The following PRICKLE2 variants were observed in gnomAD, a reference collection of about 807,000 sequenced individuals.
The protein encoded by PRICKLE2 is prickle planar cell polarity protein 2.
PRICKLE2 carries 21 observed loss-of-function variants against 81.4 expected under a neutral mutation model. The ratio of observed to expected loss-of-function variants is 0.26; its 90% CI spans 0.18 to 0.37. The LOEUF is 0.37. Ranked by LOEUF, PRICKLE2 falls within the 10% of genes least tolerant of loss-of-function variation. The pLI, the probability that PRICKLE2 is intolerant of heterozygous loss-of-function variation, is 1.00. For synonymous variants in PRICKLE2, 456 were observed against 421.5 expected, an observed-to-expected ratio of 1.08 and a Z score of -1.00; for missense variants, 940 against 1,109.0, an observed-to-expected ratio of 0.85 and a Z score of 2.16.
At chr3:64,199,205 T>C (rs1056765583) in intron 1 of PRICKLE2, 4 of 596,210 alleles carry the variant, frequency 6.7e-6, no homozygotes, top group African/African-American at 1.9e-5. Context: ...GCTAAGGGTG[T>C]TTACATGTGG....
chr3:64,166,108 G>C (rs979272953), intron 2 of PRICKLE2, among the ~76,000 whole-genome samples: 2 of 151,964 alleles, frequency 1.3e-5, no homozygotes, highest in African/African-American at 4.8e-5. Flanking sequence ...ATTGTACCAA[G>C]TTTCTGTTCT....
At chr3:64,239,711 C>T (rs1250784747) in intron 2 of PRICKLE2, among the ~76,000 whole-genome samples, 1 of 152,086 alleles carries the variant, frequency 6.6e-6, no homozygotes, top group Non-Finnish European at 1.5e-5. Flanking sequence ...GGTTGCTTAT[C>T]ACAGATAAGA....
chr3:64,181,767 T>A (rs556611304), intron 2 of PRICKLE2, among the ~76,000 whole-genome samples: 1 of 152,302 alleles, frequency 6.6e-6, no homozygotes, highest in Non-Finnish European at 1.5e-5. Context: ...AGTATTCATA[T>A]GATTTTGTTT....
At chr3:64,259,645 AGATTAT>A (rs2079587135) in intron 2 of PRICKLE2, among the ~76,000 whole-genome samples, 1 of 100,464 alleles carries the variant, frequency 1.0e-5, no homozygotes, top group Non-Finnish European at 2.2e-5. Flanking sequence ...AGAGATTATG[AGATTAT>A]GTAGATTATA....
chr3:64,219,777 C>T (rs1055331129), intron 1 of PRICKLE2, among the ~76,000 whole-genome samples: 2 of 152,118 alleles, frequency 1.3e-5, no homozygotes, highest in African/African-American at 4.8e-5. Flanking sequence ...ATAAAGAAGC[C>T]TAGAATGGTG....
intron 7 of PRICKLE2, among the ~76,000 whole-genome samples, chr3:64,111,304 C>T (rs1053735706): frequency 5.3e-5 from 8 of 152,214 alleles, no homozygotes; most frequent in Admixed American, 1.3e-4. Flanking sequence ...AGCACTTTTA[C>T]GCATGTTGTC....
At chr3:64,158,557 C>T (rs1197578274) in intron 4 of PRICKLE2, among the ~76,000 whole-genome samples, 7 of 152,204 alleles carry the variant, frequency 4.6e-5, no homozygotes, top group Non-Finnish European at 8.8e-5. Flanking sequence ...TGCCTTCACA[C>T]TCTTGGCACT....
At chr3:64,156,441 C>T (rs944322572) in intron 5 of PRICKLE2, among the ~76,000 whole-genome samples, 1 of 152,180 alleles carries the variant, frequency 6.6e-6, no homozygotes, top group African/African-American at 2.4e-5. Flanking sequence ...GACTTTTACC[C>T]AAATTATTCC....
At position 64,095,197 on chromosome 3, in the gene PRICKLE2, G is replaced by T. The variant is rs1259670633; in HGVS notation, c.*3854C>A. 2 of 152,168 alleles carry T rather than the reference G, an allele frequency of 1.3e-5. No homozygotes were observed. Among genetic ancestry groups the T allele is most frequent in the African/African-American group, 4.8e-5 (2 of 41,442 alleles). The allele number at this position is 152,168 out of a possible 1,614,324, so 9.4% of individuals were successfully genotyped here. On this transcript the variant is annotated 3_prime_UTR_variant, in exon 8 of 8. Coordinates refer to ENST00000638394, the MANE Select transcript of PRICKLE2 (RefSeq NM_198859.4). ...ACATGAAAATGGCCAAGGAGGTAAA[G>T]AGATTTTTTTGTCCTTTAGCCTAAG...
chr3:64,194,820 T>C (rs1036318451), intron 2 of PRICKLE2, among the ~76,000 whole-genome samples: 2 of 152,074 alleles, frequency 1.3e-5, no homozygotes, highest in Non-Finnish European at 2.9e-5. Flanking sequence ...TTTGGGAGCA[T>C]TGCTTGAGGT....
At chr3:64,165,593 T>C (rs921040533) in intron 2 of PRICKLE2, among the ~76,000 whole-genome samples, 4 of 152,198 alleles carry the variant, frequency 2.6e-5, no homozygotes, top group Admixed American at 1.3e-4. Context: ...TGGCTCACTG[T>C]AGCCTTGACC....
chr3:64,211,435 A>C (rs1168536751), intron 1 of PRICKLE2, among the ~76,000 whole-genome samples: 1 of 152,246 alleles, frequency 6.6e-6, no homozygotes, highest in Non-Finnish European at 1.5e-5. Context: ...AAAGATATTT[A>C]AAAGAATGTT....
In PRICKLE2 at chr3:64,225,201, T is replaced by C. The variant is rs1370802184; in HGVS notation, c.-332A>G. On this transcript the variant is annotated 5_prime_UTR_variant, in exon 1 of 8. Transcript: ENST00000638394. ...AAGAGAAAAAAAGTATGACTTCTAC[T>C]CTTCCTCTAGATCAGCCTGAGTGCT... The C allele has an allele frequency of 3.9e-5, 38 of 985,324 alleles. No homozygotes were observed. The highest frequency in any genetic ancestry group is 4.6e-5 in the Non-Finnish European group (38 of 829,996). The allele number at this position is 985,324 out of a possible 1,614,324, so 61.0% of individuals were successfully genotyped here.
At chr3:64,152,712 C>A (rs977210810) in intron 6 of PRICKLE2, among the ~76,000 whole-genome samples, 1 of 152,156 alleles carries the variant, frequency 6.6e-6, no homozygotes, top group Admixed American at 6.5e-5. Flanking sequence ...GAGCTTCCCC[C>A]ACTGCCCTGA....
intron 1 of PRICKLE2, among the ~76,000 whole-genome samples, chr3:64,222,601 C>T (rs939404587): frequency 2.0e-5 from 3 of 152,130 alleles, no homozygotes; most frequent in Non-Finnish European, 4.4e-5. Context: ...CCATGGTAGG[C>T]AGGCAGGCAG....
intron 7 of PRICKLE2, among the ~76,000 whole-genome samples, chr3:64,135,804 T>C (rs958406630): frequency 6.6e-6 from 1 of 152,076 alleles, no homozygotes; most frequent in Admixed American, 6.6e-5. Context: ...AGAGTGAAAC[T>C]TATTGGTGGA....
intron 7 of PRICKLE2, among the ~76,000 whole-genome samples, chr3:64,145,061 T>A (rs1234390197): frequency 2.0e-5 from 3 of 151,308 alleles, no homozygotes; most frequent in Non-Finnish European, 2.9e-5. Context: ...AAATATTTTT[T>A]AAATAATGTT....
At chr3:64,127,951 T>G (rs2077135873) in intron 7 of PRICKLE2, among the ~76,000 whole-genome samples, 1 of 151,482 alleles carries the variant, frequency 6.6e-6, no homozygotes, top group Non-Finnish European at 1.5e-5. Flanking sequence ...GAAAAGAGAG[T>G]GGGGCTTGAG....
intron 2 of PRICKLE2, among the ~76,000 whole-genome samples, chr3:64,190,664 T>C (rs909146694): frequency 6.6e-6 from 1 of 152,190 alleles, no homozygotes. Context: ...TGGACTCTCA[T>C]GGGGAAAATC....
Sources: gnomAD v4.1 joint callset for allele counts (sites outside exome capture counted in the v4.1 genomes callset) on GRCh38, gnomAD v4.1.1 for gene constraint, MANE v1.5 for transcripts, NCBI Gene and HGNC (gene_info 2026-07-23, HGNC 2026-07-21) for gene names.